SUPT20H: variants seen among roughly 807,000 people sequenced by gnomAD.
The protein encoded by SUPT20H is SPT20 homolog, SAGA complex component.
In SUPT20H, 82 loss-of-function variants were observed where a neutral mutation model predicts 122.8. The observed-to-expected ratio is 0.67, with a 90% confidence interval of 0.56 to 0.80. The LOEUF (loss-of-function observed/expected upper bound fraction) is 0.80, where lower values mean the gene tolerates loss of function less well. Ranked by LOEUF, SUPT20H falls within the 30% of genes least tolerant of loss-of-function variation. SUPT20H has a pLI of 0.00. For missense variants in SUPT20H, 831 were observed against 921.6 expected (o/e 0.90, Z 1.27); for synonymous variants, 291 against 313.0 (o/e 0.93, Z 0.74).
intron 1 of SUPT20H, 116 bp from the exon 2 acceptor site, chr13:37,051,699 A>AT (rs1358173599): frequency 2.3e-6 from 1 of 442,254 alleles, no homozygotes; most frequent in East Asian, 3.3e-5. Context: ...TAAGACATAC[A>AT]TATTTTTAAG....
At chr13:37,056,608 C>T (rs1055790360) in intron 1 of SUPT20H, among the ~76,000 whole-genome samples, 9 of 151,754 alleles carry the variant, frequency 5.9e-5, no homozygotes, top group Non-Finnish European at 1.3e-4. Flanking sequence ...CACACCAGGG[C>T]CTGTTTTGGG....
intron 9 of SUPT20H, chr13:37,038,363 A>T (rs959819104): frequency 6.6e-6 from 1 of 152,230 alleles, no homozygotes; most frequent in African/African-American, 2.4e-5. Context: ...ACAGTTCATA[A>T]CAAGAAGGGC....
Position 37,037,586 on chromosome 13 carries a change from C to T in SUPT20H, c.567+2819G>A, listed in dbSNP as rs115096309. 1.5e-3 allele frequency among the ~76,000 whole-genome samples: 234 copies of T among 152,216 alleles called. 1 individual carries two copies. The highest frequency in any genetic ancestry group is 5.4e-3 in the African/African-American group (226 of 41,536). On this transcript the variant is annotated intron_variant, in intron 9 of 25. Coordinates refer to ENST00000350612, the MANE Select transcript of SUPT20H (RefSeq NM_001014286.3). ...CAGGAACTGGGGATAAGGTAGTGAG[C>T]AAAACAAAACCCTCTGCTCTCACAA...
chr13:37,022,143 A>G lies in SUPT20H; in HGVS notation c.1592-63T>C. 6.2e-7 allele frequency: 1 copy of G among 1,614,112 alleles called. No individual in the cohort carries two copies. Among genetic ancestry groups the G allele is most frequent in the Non-Finnish European group, 8.5e-7 (1 of 1,179,994 alleles). On this transcript the variant is annotated intron_variant, in intron 19 of 25. Coordinates refer to ENST00000350612, the MANE Select transcript of SUPT20H (RefSeq NM_001014286.3). The surrounding 1 kb of genome is among the most constrained non-coding windows in gnomAD (Gnocchi z 4.5). The stretch of plus-strand genomic sequence containing the variant: ...GGTTGTTACAGGCATTGCCTGGCTC[A>G]GAGACCTTTGCTGCTGAGCAAACTG...
chr13:37,023,486 C>T (rs1215486308), intron 19 of SUPT20H: 1 of 152,752 alleles, frequency 6.5e-6, no homozygotes, highest in Admixed American at 6.5e-5. Flanking sequence ...TCAGTATCTT[C>T]AGAATAATGC....
rs2059708981 is a variant in SUPT20H at position 37,012,056 on chromosome 13, G to A, written c.2098+136C>T. On this transcript the variant is annotated intron_variant, in intron 24 of 25. Transcript: ENST00000350612. ...ATCTCAGCCATCAATCAATTTAATAGTTTACACATTATAGCTTTACTTTTT... is the reference window on the plus strand; with the variant it reads ...ATCTCAGCCATCAATCAATTTAATAATTTACACATTATAGCTTTACTTTTT... 3 of 644,992 alleles carry A rather than the reference G, an allele frequency of 4.7e-6. No individual in the cohort carries two copies. The South Asian group carries it at 6.8e-5, about 15-fold the overall frequency. The allele number at this position is 644,992 out of a possible 1,614,324, so 40.0% of individuals were successfully genotyped here.
rs757216836 is a variant in SUPT20H, at chr13:37,047,595, A to AG, written c.104dup (p.Val36CysfsTer7). ...ACAAGTCATAAAGTTTTTGAAATAC[A>AG]GATTTTCTAAAAAAATTTAATGAAA... is the stretch of plus-strand genomic sequence containing the variant. On this transcript the variant is annotated frameshift_variant, in exon 5 of 26. Coordinates refer to ENST00000350612, the MANE Select transcript of SUPT20H (RefSeq NM_001014286.3). LOFTEE classifies it high-confidence loss of function. 8 of 1,404,618 alleles carry AG rather than the reference A, an allele frequency of 5.7e-6. No individual in the cohort carries two copies. The highest frequency in any genetic ancestry group is 6.7e-6 in the Non-Finnish European group (7 of 1,050,300). The allele number at this position is 1,404,618 out of a possible 1,614,324, so 87.0% of individuals were successfully genotyped here. A position where few individuals can be genotyped will look rare whatever the true frequency, so the allele number is the denominator to read the frequency against.
intron 19 of SUPT20H, chr13:37,023,006 A>G (rs761495568): frequency 7.9e-7 from 1 of 1,269,972 alleles, no homozygotes; most frequent in South Asian, 1.3e-5. Flanking sequence ...AAGTAAAACC[A>G]AAAGCTCTTG....
chr13:37,033,318 A>G (rs2063732887), intron 10 of SUPT20H, 131 bp downstream of exon 10: 3 of 1,126,244 alleles, frequency 2.7e-6, no homozygotes, highest in African/African-American at 1.6e-5. Context: ...CTGGGCAACA[A>G]AGAGAGACCT....
intron 9 of SUPT20H, among the ~76,000 whole-genome samples, chr13:37,034,184 T>C (rs1384852302): frequency 6.6e-6 from 1 of 152,126 alleles, no homozygotes; most frequent in Non-Finnish European, 1.5e-5. Context: ...GTCACACATC[T>C]CTCATTTTAA....
At chr13:37,011,580 T>C (rs1262358045) in intron 24 of SUPT20H, among the ~76,000 whole-genome samples, 1 of 144,906 alleles carries the variant, frequency 6.9e-6, no homozygotes, top group East Asian at 1.9e-4. Context: ...AGTGTGAAGT[T>C]AGAATTATCG....
At chr13:37,056,683 T>A (rs2069126521) in intron 1 of SUPT20H, among the ~76,000 whole-genome samples, 1 of 151,456 alleles carries the variant, frequency 6.6e-6, no homozygotes, top group Non-Finnish European at 1.5e-5. Context: ...AGTTAATGGG[T>A]GCAGCACACC....
intron 1 of SUPT20H, among the ~76,000 whole-genome samples, chr13:37,055,793 T>C (rs1389361623): frequency 1.3e-5 from 2 of 152,176 alleles, no homozygotes; most frequent in Non-Finnish European, 2.9e-5. Flanking sequence ...AAAGAGCTTC[T>C]GCACAGCAAA....
Position 37,024,407 on chromosome 13 carries a change from C to T in SUPT20H, c.1365G>A (p.Leu455=), listed in dbSNP as rs2061859070. Residue 455 remains leucine (L), a synonymous_variant, in exon 18 of 26, where the codon TTG becomes TTA. Coordinates refer to ENST00000350612, the MANE Select transcript of SUPT20H (RefSeq NM_001014286.3). ...GGGGTCGATGTTTTACACCCTTCCC[C>T]AATACCGAAGACTGAACTGACACGG... ...TETVSVQSSV[L]GKGVKHRPPP... 3.8e-6 allele frequency: 6 copies of T among 1,585,478 alleles called. No individual in the cohort carries two copies. Among genetic ancestry groups the T allele is most frequent in the African/African-American group, 1.4e-5 (1 of 73,430 alleles).
At chr13:37,034,698 A>C (rs917672091) in intron 9 of SUPT20H, among the ~76,000 whole-genome samples, 3 of 152,228 alleles carry the variant, frequency 2.0e-5, no homozygotes, top group African/African-American at 7.2e-5. Context: ...AAATTAAACA[A>C]GACAGCCTTA....
Position 37,047,884 on chromosome 13 carries a change from C to T in SUPT20H, c.92G>A (p.Ser31Asn), listed in dbSNP as rs776223815. 2.5e-6 allele frequency: 4 copies of T among 1,604,056 alleles called. No individual in the cohort carries two copies. The African/African-American group carries it at 4.0e-5, about 16-fold the overall frequency. ...ACCAATTAATTATTCATACCTTCCA[C>T]TTGATAGGTATTTCCTTTTAGGAGG... ...QRPPKRKYLSSGRKSVFQKLY... is the reference protein window; with the variant it reads ...QRPPKRKYLSNGRKSVFQKLY... Residue 31 changes from serine (S) to asparagine (N), a missense_variant, in exon 4 of 26, where the codon AGT (serine) becomes AAT (asparagine). By Grantham distance (46) the Ser-to-Asn change is conservative (BLOSUM62 1). Coordinates refer to ENST00000350612, the MANE Select transcript of SUPT20H (RefSeq NM_001014286.3).
chr13:37,027,326 AAAG>A (rs929197905), intron 14 of SUPT20H, among the ~76,000 whole-genome samples: 9 of 152,244 alleles, frequency 5.9e-5, no homozygotes, highest in African/African-American at 1.7e-4. Context: ...CTTAAAAAAA[AAAG>A]AAGAAAATGT....
Position 37,024,128 on chromosome 13 carries a change from T to C in SUPT20H, c.1498A>G (p.Lys500Glu), listed in dbSNP as rs1359981354. Residue 500 changes from lysine (K) to glutamate (E), a missense_variant, in exon 19 of 26, where the codon AAG (lysine) becomes GAG (glutamate). Coordinates refer to ENST00000350612, the MANE Select transcript of SUPT20H (RefSeq NM_001014286.3). Reference sequence around the variant, plus strand: ...GATTTCCGAGGAATACTTGATGGCTTAGAAGAAGGAGGAGGAGTTGGAGAT... The same window carrying C: ...GATTTCCGAGGAATACTTGATGGCTCAGAAGAAGGAGGAGGAGTTGGAGAT... ...LKSPTPPPSS[K>E]PSSIPRKSSV... is the part of the protein sequence containing the mutation. 5.0e-6 allele frequency: 8 copies of C among 1,613,880 alleles called. No homozygotes were observed. Among genetic ancestry groups the C allele is most frequent in the Non-Finnish European group, 6.8e-6 (8 of 1,179,826 alleles).
chr13:37,028,238 A>G lies in SUPT20H; in HGVS notation c.1061T>C (p.Ile354Thr). 6.2e-7 allele frequency: 1 copy of G among 1,613,584 alleles called. No individual in the cohort carries two copies. Among genetic ancestry groups the G allele is most frequent in the Non-Finnish European group, 8.5e-7 (1 of 1,179,790 alleles). The change falls in exon 14 of 26, where the codon ATC (isoleucine) becomes ACC (threonine). Residue 354 changes from isoleucine (I) to threonine (T), a missense_variant. By Grantham distance (89) the Ile-to-Thr change is moderately conservative. Coordinates refer to ENST00000350612, the MANE Select transcript of SUPT20H (RefSeq NM_001014286.3). ...AAGTGGATCTCCAAGCGACTGCAAG[A>G]TGGTCAGCTTTGTTTTCTGATACTG... ...GTQYQKTKLT[I>T]LQSLGDPLYY...
Sources: gnomAD v4.1 joint callset for allele counts (sites outside exome capture counted in the v4.1 genomes callset) on GRCh38, gnomAD v4.1.1 for gene constraint, Gnocchi (gnomAD v3.1) non-coding constraint, MANE v1.5 for transcripts, NCBI Gene and HGNC (gene_info 2026-07-23, HGNC 2026-07-21) for gene names.